The following RAPGEF2 variants were observed in gnomAD, a reference collection of about 807,000 sequenced individuals.
RAPGEF2 encodes the protein PDZ domain containing guanine nucleotide exchange factor (GEF) 1.
A neutral mutation model predicts 186.7 loss-of-function variants in RAPGEF2; 54 were observed. The ratio of observed to expected loss-of-function variants is 0.29; its 90% CI spans 0.23 to 0.36. The LOEUF (loss-of-function observed/expected upper bound fraction) is 0.36, where lower values mean the gene tolerates loss of function less well. Among genes scored for constraint, RAPGEF2 ranks in the 10% least tolerant of loss-of-function variants. The pLI, the probability that RAPGEF2 is intolerant of heterozygous loss-of-function variation, is 1.00. For missense variants in RAPGEF2, 1,532 were observed against 2,045.0 expected (o/e 0.75, Z 4.84); for synonymous variants, 712 against 705.9 (o/e 1.01, Z -0.14).
At chr4:159,117,415 C>T (rs1276873260) in intron 1 of RAPGEF2, among the ~76,000 whole-genome samples, 1 of 152,160 alleles carries the variant, frequency 6.6e-6, no homozygotes, top group African/African-American at 2.4e-5. Flanking sequence ...TAATCGTCAT[C>T]TGAGACTTAA....
rs145031726 is a variant in RAPGEF2, at chr4:159,330,628, AAAAAAAAC to A, written c.1467+146_1467+153del. 534 of 651,730 alleles carry A rather than the reference AAAAAAAAC, an allele frequency of 8.2e-4. 1 individual carries two copies. In the African/African-American group the frequency reaches 8.4e-3, roughly 10 times the overall value. The allele number at this position is 651,730 out of a possible 1,614,324, so 40.4% of individuals were successfully genotyped here. ...AATAGGAGAATGTAATTCTGAAGCA[AAAAAAAAC>A]AAAAAAACAAAAAAAAAGGTGATAC... On this transcript the variant is annotated intron_variant, in intron 13 of 29. Transcript: ENST00000691494.
intron 1 of RAPGEF2, among the ~76,000 whole-genome samples, chr4:159,104,534 C>CAGAGAG (rs1209953581): frequency 8.0e-5 from 5 of 62,428 alleles, no homozygotes; most frequent in Non-Finnish European, 1.4e-4. Flanking sequence ...GAGGGAGAGA[C>CAGAGAG]AGAGAGAGAG....
chr4:159,196,411 T>C (rs1748657881), intron 3 of RAPGEF2, among the ~76,000 whole-genome samples: 1 of 152,238 alleles, frequency 6.6e-6, no homozygotes, highest in African/African-American at 2.4e-5. Context: ...GTCAGAAATA[T>C]CAAAGGCTTT....
rs146063201 is a variant in RAPGEF2, at chr4:159,107,682, CTT to C, written c.69+3452_69+3453del. 8.5e-3 allele frequency among the ~76,000 whole-genome samples: 1,288 copies of C among 152,182 alleles called. 22 individuals are homozygous for C. The highest frequency in any genetic ancestry group is 0.029 in the African/African-American group (1,224 of 41,528). ...TTGATGTGTTATAAAGAATACAGGA[CTT>C]AATTCATTGCTAAGTACTTGGTAGA... is the stretch of plus-strand genomic sequence containing the variant. On this transcript the variant is annotated intron_variant, in intron 1 of 29. Coordinates refer to ENST00000691494, the MANE Select transcript of RAPGEF2 (RefSeq NM_001394067.2).
chr4:159,285,443 CAG>C (rs1760329201), intron 7 of RAPGEF2, among the ~76,000 whole-genome samples: 1 of 152,172 alleles, frequency 6.6e-6, no homozygotes, highest in South Asian at 2.1e-4. Flanking sequence ...CATTAAAGAA[CAG>C]AATTTATTTA....
intron 1 of RAPGEF2, among the ~76,000 whole-genome samples, chr4:159,134,087 C>A (rs1203186827): frequency 1.3e-5 from 2 of 152,330 alleles, no homozygotes; most frequent in East Asian, 3.9e-4. Context: ...AAGACATTTT[C>A]ATTGCCCAGA....
intron 7 of RAPGEF2, among the ~76,000 whole-genome samples, chr4:159,273,632 TTC>T (rs923861145): frequency 3.9e-5 from 1 of 25,404 alleles, no homozygotes; most frequent in Non-Finnish European, 8.4e-5. Flanking sequence ...ATCAGTTTCT[TTC>T]TTTCTTTCTT....
intron 1 of RAPGEF2, among the ~76,000 whole-genome samples, chr4:159,135,455 T>G (rs1248272715): frequency 2.0e-5 from 3 of 152,218 alleles, no homozygotes; most frequent in Non-Finnish European, 4.4e-5. Flanking sequence ...ACCTTTTGGC[T>G]CTTATGAATG....
At chr4:159,245,953 C>G (rs992661388) in intron 7 of RAPGEF2, among the ~76,000 whole-genome samples, 4 of 152,112 alleles carry the variant, frequency 2.6e-5, no homozygotes. Flanking sequence ...CTTTAAAATT[C>G]TGGTTGACCC....
chr4:159,351,843 C>T (rs567120106), intron 26 of RAPGEF2, among the ~76,000 whole-genome samples: 4 of 151,988 alleles, frequency 2.6e-5, no homozygotes, highest in South Asian at 4.2e-4. Flanking sequence ...CCCAGCCACT[C>T]GGGAGGCTGA....
At chr4:159,152,997 A>G (rs1161239724) in intron 1 of RAPGEF2, among the ~76,000 whole-genome samples, 2 of 152,240 alleles carry the variant, frequency 1.3e-5, no homozygotes, top group East Asian at 1.9e-4. Context: ...GCTGTCTTAT[A>G]TCTAGTTAGT....
intron 3 of RAPGEF2, among the ~76,000 whole-genome samples, chr4:159,205,680 C>T (rs571178688): frequency 8.5e-5 from 13 of 152,254 alleles, no homozygotes; most frequent in African/African-American, 3.1e-4. Flanking sequence ...GCACTTCCCT[C>T]TTTGCTTTCT....
Position 159,322,389 on chromosome 4 carries a change from A to G in RAPGEF2, c.896A>G (p.Asn299Ser). 1 of 1,614,062 alleles carries G rather than the reference A, an allele frequency of 6.2e-7. No individual in the cohort carries two copies. The highest frequency in any genetic ancestry group is 8.5e-7 in the Non-Finnish European group (1 of 1,179,948). Reference protein sequence around the residue: ...EFMHQLPAFANMTMSVRRELC... With the variant: ...EFMHQLPAFASMTMSVRRELC... Reference sequence around the variant, plus strand: ...ATGCACCAGTTGCCTGCTTTTGCCAATATGACAATGTCAGTGAGGCGAGAA... The same window carrying G: ...ATGCACCAGTTGCCTGCTTTTGCCAGTATGACAATGTCAGTGAGGCGAGAA... The change falls in exon 10 of 30, where the codon AAT (asparagine) becomes AGT (serine). Residue 299 changes from asparagine to serine, a missense_variant. This residue lies in a region of RAPGEF2 where 810 missense variants were observed against 1,210.5 expected (regional missense o/e 0.67). Transcript: ENST00000691494.
At chr4:159,326,638 G>A (rs963027026) in intron 11 of RAPGEF2, 1 of 152,176 alleles carries the variant, frequency 6.6e-6, no homozygotes, top group African/African-American at 2.4e-5. Context: ...CCACTTCAGT[G>A]TCTATTCTTA....
chr4:159,238,033 T>A (rs1054556495), intron 4 of RAPGEF2, among the ~76,000 whole-genome samples: 6 of 150,666 alleles, frequency 4.0e-5, no homozygotes, highest in Non-Finnish European at 7.4e-5. Context: ...AAAAAAAAAA[T>A]TAACTGGAAG....
At chr4:159,309,162 C>T (rs1763653959) in intron 8 of RAPGEF2, among the ~76,000 whole-genome samples, 1 of 152,118 alleles carries the variant, frequency 6.6e-6, no homozygotes, top group African/African-American at 2.4e-5. Flanking sequence ...TTTTGTATGC[C>T]TTCTGCCTGG....
intron 7 of RAPGEF2, among the ~76,000 whole-genome samples, chr4:159,261,838 C>T (rs1756911510): frequency 6.6e-6 from 1 of 152,186 alleles, no homozygotes; most frequent in Non-Finnish European, 1.5e-5. Flanking sequence ...CTACCTCCCA[C>T]TCACCTATGA....
intron 1 of RAPGEF2, among the ~76,000 whole-genome samples, chr4:159,116,926 G>T (rs1739115604): frequency 6.6e-6 from 1 of 152,096 alleles, no homozygotes; most frequent in Admixed American, 6.6e-5. Flanking sequence ...ATGCATGCTG[G>T]GCTTAATAAC....
Position 159,314,897 on chromosome 4 carries a change from A to T in RAPGEF2, c.853+129A>T, listed in dbSNP as rs1002946470. The T allele has an allele frequency of 1.9e-5, 17 of 893,610 alleles. No individual in the cohort carries two copies. The African/African-American group carries it at 3.0e-4, about 16-fold the overall frequency. 55.4% of individuals were successfully genotyped at this position (893,610 alleles called of 1,614,324 possible). A position where few individuals can be genotyped will look rare whatever the true frequency, so the allele number is the denominator to read the frequency against. On this transcript the variant is annotated intron_variant, in intron 9 of 29. Coordinates refer to ENST00000691494, the MANE Select transcript of RAPGEF2 (RefSeq NM_001394067.2). Reference sequence around the variant, plus strand: ...TAATTTATTAATTTCCTTTGTATAAACAGTAGTATTTGTTGGACAAAAATT... The same window carrying T: ...TAATTTATTAATTTCCTTTGTATAATCAGTAGTATTTGTTGGACAAAAATT...
Sources: allele counts gnomAD v4.1 joint callset (sites outside exome capture counted in the v4.1 genomes callset), GRCh38; gene constraint gnomAD v4.1.1; regional missense constraint gnomAD v4.1.1; transcripts MANE v1.5; gene names NCBI Gene and HGNC (gene_info 2026-07-23, HGNC 2026-07-21).